Variants in SLC7A1 observed in about 807,000 individuals in gnomAD.
SLC7A1 encodes high affinity cationic amino acid transporter 1.
In SLC7A1, 10 loss-of-function variants were observed where a neutral mutation model predicts 53.9. The observed-to-expected ratio is 0.19, with a 90% CI of 0.11 to 0.31. SLC7A1 has a LOEUF of 0.31. SLC7A1 is among the 10% of genes least tolerant of loss of function. The probability of loss-of-function intolerance (pLI) is 1.00; values close to 1 mark genes in which losing one functional copy is unlikely to be tolerated. For synonymous variants in SLC7A1, 342 were observed against 338.7 expected, an observed-to-expected ratio of 1.01 and a Z score of -0.11; for missense variants, 525 against 827.2, an observed-to-expected ratio of 0.63 and a Z score of 4.48.
At chr13:29,589,892 C>A (rs530207594) in intron 1 of SLC7A1, among the ~76,000 whole-genome samples, 242 of 152,296 alleles carry the variant, frequency 1.6e-3, no homozygotes, top group Non-Finnish European at 2.9e-3. Context: ...ACCAGAAGGG[C>A]CGATCCCACT....
At chr13:29,547,865 G>T (rs1021364985) in intron 2 of SLC7A1, among the ~76,000 whole-genome samples, 17 of 152,182 alleles carry the variant, frequency 1.1e-4, no homozygotes, top group Non-Finnish European at 5.9e-5. Context: ...TTCGTCTGGG[G>T]CTGACCCAAA....
intron 1 of SLC7A1, among the ~76,000 whole-genome samples, chr13:29,583,981 G>C (rs1871765646): frequency 6.6e-6 from 1 of 152,190 alleles, no homozygotes; most frequent in Admixed American, 6.5e-5. Flanking sequence ...AGATTTGTGG[G>C]GGAAGTGTGG....
At chr13:29,547,882 C>T (rs1290564898) in intron 2 of SLC7A1, among the ~76,000 whole-genome samples, 3 of 152,160 alleles carry the variant, frequency 2.0e-5, no homozygotes, top group East Asian at 1.9e-4. Flanking sequence ...CAAAAAACAC[C>T]GAGGAAACTC....
At chr13:29,550,555 G>C (rs1232450575) in intron 2 of SLC7A1, among the ~76,000 whole-genome samples, 1 of 152,222 alleles carries the variant, frequency 6.6e-6, no homozygotes, top group African/African-American at 2.4e-5. Context: ...TAGGAACTGC[G>C]AGTGGCCTCT....
intron 1 of SLC7A1, among the ~76,000 whole-genome samples, chr13:29,591,055 A>T (rs1165253481): frequency 6.6e-6 from 1 of 152,126 alleles, no homozygotes; most frequent in Non-Finnish European, 1.5e-5. Flanking sequence ...GGCTAATACA[A>T]GCTGTGACTG....
intron 2 of SLC7A1, among the ~76,000 whole-genome samples, chr13:29,544,868 G>GT (rs201808073): frequency 0.27 from 2,123 of 7,740 alleles, 105 homozygotes; most frequent in African/African-American, 0.3. Context: ...CTGCCTCATC[G>GT]GGGGGGGGGG....
chr13:29,518,543 A>G (rs1336998212), intron 9 of SLC7A1, among the ~76,000 whole-genome samples: 2 of 152,152 alleles, frequency 1.3e-5, no homozygotes, highest in Non-Finnish European at 2.9e-5. Context: ...CACTTGTGCA[A>G]CCCCACTCGG....
intron 1 of SLC7A1, among the ~76,000 whole-genome samples, chr13:29,556,528 A>G (rs1241097680): frequency 6.6e-6 from 1 of 152,078 alleles, no homozygotes; most frequent in Admixed American, 6.5e-5. Context: ...ACAGGTGCAC[A>G]CCACCACGCC....
At chr13:29,573,545 C>CT (rs1294102571) in intron 1 of SLC7A1, among the ~76,000 whole-genome samples, 1 of 152,192 alleles carries the variant, frequency 6.6e-6, no homozygotes, top group Non-Finnish European at 1.5e-5. Flanking sequence ...ACATCGTCCC[C>CT]TTTCAAAGTG....
At chr13:29,521,605 G>A (rs968027510) in intron 8 of SLC7A1, among the ~76,000 whole-genome samples, 3 of 152,166 alleles carry the variant, frequency 2.0e-5, no homozygotes, top group Admixed American at 1.3e-4. Flanking sequence ...GCCTCTCGGG[G>A]CTATGAAATG....
At chr13:29,566,052 C>T (rs946172403) in intron 1 of SLC7A1, among the ~76,000 whole-genome samples, 17 of 152,142 alleles carry the variant, frequency 1.1e-4, no homozygotes, top group Admixed American at 7.2e-4. Context: ...TGGACTGTTT[C>T]GCCAAAACCC....
rs1868498157 is a variant in SLC7A1 at position 29,518,976 on chromosome 13, GCACGC to G, written c.1292+466_1292+470del. Among the ~76,000 whole-genome samples the G allele has an allele frequency of 2.0e-5, 3 of 152,214 alleles. No individual in the cohort carries two copies. In the South Asian group the frequency reaches 6.2e-4, roughly 32 times the overall value. The stretch of plus-strand genomic sequence containing the variant: ...CAGTGTCTCTGAACATCAACCTAGG[GCACGC>G]CATGCCACATAATGGGATTCATTCC... On this transcript the variant is annotated intron_variant, in intron 9 of 12. Coordinates refer to ENST00000380752, the MANE Select transcript of SLC7A1 (RefSeq NM_003045.5).
chr13:29,538,514 G>C (rs1869525554), intron 2 of SLC7A1, among the ~76,000 whole-genome samples: 2 of 152,198 alleles, frequency 1.3e-5, no homozygotes, highest in African/African-American at 2.4e-5. Flanking sequence ...GATGCCTGCG[G>C]CTTCCTAGGC....
chr13:29,585,847 G>T (rs140372666), intron 1 of SLC7A1, among the ~76,000 whole-genome samples: 1 of 152,234 alleles, frequency 6.6e-6, no homozygotes, highest in East Asian at 1.9e-4. Flanking sequence ...CTAACCTACA[G>T]TGCAGGTAAG....
At chr13:29,551,255 C>T (rs1328250248) in intron 2 of SLC7A1, among the ~76,000 whole-genome samples, 2 of 152,214 alleles carry the variant, frequency 1.3e-5, no homozygotes, top group Non-Finnish European at 2.9e-5. Context: ...TATGCACCTA[C>T]TGTGTGCCCT....
intron 5 of SLC7A1, among the ~76,000 whole-genome samples, chr13:29,524,977 C>T (rs1176730375): frequency 6.6e-6 from 1 of 152,176 alleles, no homozygotes; most frequent in African/African-American, 2.4e-5. Flanking sequence ...GACACGGTGC[C>T]CAGGTTCAGT....
At chr13:29,523,863 A>G (rs1477636111) in intron 6 of SLC7A1, among the ~76,000 whole-genome samples, 2 of 152,220 alleles carry the variant, frequency 1.3e-5, no homozygotes, top group East Asian at 3.9e-4. Context: ...CTCAGATATG[A>G]AATCAGGCCA....
intron 1 of SLC7A1, among the ~76,000 whole-genome samples, chr13:29,584,843 C>T (rs977553902): frequency 6.6e-6 from 1 of 152,176 alleles, no homozygotes; most frequent in Non-Finnish European, 1.5e-5. Context: ...CGATATTAAC[C>T]CATAAGATTT....
chr13:29,565,355 A>C (rs776295854), intron 1 of SLC7A1, among the ~76,000 whole-genome samples: 1 of 152,208 alleles, frequency 6.6e-6, no homozygotes, highest in African/African-American at 2.4e-5. Context: ...GAGAGAAAGG[A>C]GGCCTGGGGA....
Sources: gnomAD v4.1 joint callset for allele counts (sites outside exome capture counted in the v4.1 genomes callset) on GRCh38, gnomAD v4.1.1 for gene constraint, MANE v1.5 for transcripts, NCBI Gene and HGNC (gene_info 2026-07-23, HGNC 2026-07-21) for gene names.